PRKCE: variants seen among roughly 807,000 people sequenced by gnomAD.
PRKCE encodes protein kinase C epsilon, also known as protein kinase C epsilon type.
A neutral mutation model predicts 85.4 loss-of-function variants in PRKCE; 16 were observed. The ratio of observed to expected loss-of-function variants is 0.19; its 90% CI spans 0.13 to 0.28. The LOEUF is 0.28. PRKCE is among the 10% of genes least tolerant of loss of function. The probability of loss-of-function intolerance (pLI) is 1.00; values close to 1 mark genes in which losing one functional copy is unlikely to be tolerated. For synonymous variants in PRKCE, 388 were observed against 371.5 expected (o/e 1.04, Z -0.51); for missense variants, 573 against 975.2 (o/e 0.59, Z 5.49).
chr2:45,809,954 G>A (rs1266922779), intron 1 of PRKCE, among the ~76,000 whole-genome samples: 1 of 152,064 alleles, frequency 6.6e-6, no homozygotes, highest in African/African-American at 2.4e-5. Flanking sequence ...GGTCACCTAG[G>A]CTCCTTTATC....
chr2:45,826,612 C>T (rs1190050287), intron 1 of PRKCE, among the ~76,000 whole-genome samples: 1 of 152,194 alleles, frequency 6.6e-6, no homozygotes, highest in Non-Finnish European at 1.5e-5. Flanking sequence ...TCCCCCCGAA[C>T]TTCAGATCTG....
rs758773279 is a variant in PRKCE, at chr2:46,004,562, C to T, written c.987C>T (p.Ser329=). ...RRKKLIAGAE[S]PQPASGSSPS... ...TCTAGCTCATTGCTGGTGCCGAGTCCCCGCAGCCTGCTTCTGGAAGCTCAC... is the reference window on the plus strand; with the variant it reads ...TCTAGCTCATTGCTGGTGCCGAGTCTCCGCAGCCTGCTTCTGGAAGCTCAC... Residue 329 remains serine, a synonymous_variant, in exon 8 of 15, where the codon TCC becomes TCT. Coordinates refer to ENST00000306156, the MANE Select transcript of PRKCE (RefSeq NM_005400.3). The surrounding 1 kb of genome is among the most constrained non-coding windows in gnomAD (Gnocchi z 4.1). 41 of 1,588,140 alleles carry T rather than the reference C, an allele frequency of 2.6e-5. No individual in the cohort carries two copies. Among genetic ancestry groups the T allele is most frequent in the East Asian group, 2.2e-5 (1 of 44,626 alleles).
intron 2 of PRKCE, among the ~76,000 whole-genome samples, chr2:45,946,080 A>G (rs1157728918): frequency 1.3e-5 from 2 of 152,252 alleles, no homozygotes; most frequent in Non-Finnish European, 2.9e-5. Flanking sequence ...AATGTGGCAC[A>G]TGCCCTCCCA....
chr2:45,976,329 C>A, intron 2 of PRKCE, 100 bp from the exon 3 acceptor site: 1 of 1,397,678 alleles, frequency 7.2e-7, no homozygotes, highest in Non-Finnish European at 9.7e-7. Context: ...CCCACCCCAG[C>A]TCCACTCCCC....
At position 45,657,834 on chromosome 2, in the gene PRKCE, C is replaced by G. The variant is rs148111663; in HGVS notation, c.348+5386C>G. On this transcript the variant is annotated intron_variant, in intron 1 of 14. Transcript: ENST00000306156. ...GGAGAGGTTAGGCTCTGAGGCCGTT[C>G]TCCCTTGGCCCACCAGAATCACTTG... 5.4e-3 allele frequency among the ~76,000 whole-genome samples: 827 copies of G among 152,302 alleles called. 2 individuals are homozygous for G. Among genetic ancestry groups the G allele is most frequent in the Non-Finnish European group, 8.9e-3 (603 of 68,034 alleles).
chr2:46,072,587 A>T (rs557570766), intron 10 of PRKCE, among the ~76,000 whole-genome samples: 1 of 152,270 alleles, frequency 6.6e-6, no homozygotes, highest in African/African-American at 2.4e-5. Flanking sequence ...ATTTGATTTC[A>T]TATGACCCTA....
intron 2 of PRKCE, among the ~76,000 whole-genome samples, chr2:45,843,437 G>A (rs559948969): frequency 3.9e-5 from 6 of 152,336 alleles, no homozygotes; most frequent in Admixed American, 6.5e-5. Flanking sequence ...GAAATGAAAC[G>A]AATAAGGTGA....
intron 10 of PRKCE, among the ~76,000 whole-genome samples, chr2:46,064,481 A>T (rs1274562208): frequency 6.6e-6 from 1 of 152,160 alleles, no homozygotes; most frequent in Admixed American, 6.5e-5. Context: ...ATGATATTAG[A>T]TGGTAATAGA....
intron 2 of PRKCE, among the ~76,000 whole-genome samples, chr2:45,901,706 T>C (rs1270892917): frequency 2.0e-5 from 3 of 152,226 alleles, no homozygotes; most frequent in Non-Finnish European, 2.9e-5. Flanking sequence ...TTAGAGACTC[T>C]CCTGTTGTTG....
chr2:45,719,735 T>G (rs1207953877), intron 1 of PRKCE, among the ~76,000 whole-genome samples: 2 of 152,012 alleles, frequency 1.3e-5, no homozygotes, highest in Non-Finnish European at 2.9e-5. Flanking sequence ...TCAAACAAAA[T>G]CATAACCCTC....
chr2:45,686,384 C>T (rs2103997262), intron 1 of PRKCE: 1 of 152,288 alleles, frequency 6.6e-6, no homozygotes, highest in East Asian at 1.9e-4. Context: ...TGCCTTTATT[C>T]ACCATTTTTC....
chr2:45,947,166 T>C (rs1444536388), intron 2 of PRKCE, among the ~76,000 whole-genome samples: 3 of 152,236 alleles, frequency 2.0e-5, no homozygotes, highest in Non-Finnish European at 4.4e-5. Context: ...TGAGACATGC[T>C]ACAATATGGA....
intron 1 of PRKCE, among the ~76,000 whole-genome samples, chr2:45,738,699 C>T (rs1233401068): frequency 6.6e-6 from 1 of 152,060 alleles, no homozygotes; most frequent in Non-Finnish European, 1.5e-5. Flanking sequence ...GTGTGAATAA[C>T]TCTGAGATGT....
intron 9 of PRKCE, among the ~76,000 whole-genome samples, 162 bp downstream of exon 9, chr2:46,007,823 C>A (rs551283519): frequency 2.6e-5 from 4 of 152,158 alleles, no homozygotes; most frequent in African/African-American, 4.8e-5. Flanking sequence ...TAGATAGGAG[C>A]GCTGGTTCTG....
intron 2 of PRKCE, among the ~76,000 whole-genome samples, chr2:45,926,185 C>T (rs1418426757): frequency 6.6e-6 from 1 of 152,144 alleles, no homozygotes; most frequent in Non-Finnish European, 1.5e-5. Context: ...TGCTGCTCAG[C>T]GGCTGACTGC....
chr2:45,962,769 G>C (rs537348163), intron 2 of PRKCE, among the ~76,000 whole-genome samples: 1 of 152,220 alleles, frequency 6.6e-6, no homozygotes, highest in East Asian at 1.9e-4. Context: ...TGCCAGCAGC[G>C]GGGGTGTCAG....
Position 45,808,677 on chromosome 2 carries a change from G to C in PRKCE, c.349-34323G>C, listed in dbSNP as rs560360598. ...GGCTGTCTCTGCACGTGACCCTGCT[G>C]AGCTGAAGATGCTCTCAAGGCTGCT... On this transcript the variant is annotated intron_variant, in intron 1 of 14. Coordinates refer to ENST00000306156, the MANE Select transcript of PRKCE (RefSeq NM_005400.3). Among the ~76,000 whole-genome samples the C allele has an allele frequency of 5.3e-5, 8 of 152,316 alleles. No individual in the cohort carries two copies. In the South Asian group the frequency reaches 8.3e-4, roughly 16 times the overall value.
intron 1 of PRKCE, among the ~76,000 whole-genome samples, chr2:45,736,419 G>A (rs994849700): frequency 5.9e-5 from 9 of 152,162 alleles, no homozygotes; most frequent in African/African-American, 2.2e-4. Context: ...AGATCATACT[G>A]TCTAAAGCAT....
chr2:45,881,231 T>G (rs1182343765), intron 2 of PRKCE, among the ~76,000 whole-genome samples: 1 of 151,574 alleles, frequency 6.6e-6, no homozygotes, highest in East Asian at 1.9e-4. Context: ...GCCCACCTTC[T>G]CCTGCTCTGT....
Sources: gnomAD v4.1 joint callset for allele counts (sites outside exome capture counted in the v4.1 genomes callset) on GRCh38, gnomAD v4.1.1 for gene constraint, Gnocchi (gnomAD v3.1) non-coding constraint, MANE v1.5 for transcripts, NCBI Gene and HGNC (gene_info 2026-07-23, HGNC 2026-07-21) for gene names.